Variants in PRELID2 observed in about 807,000 individuals in gnomAD.
PRELID2 encodes PRELI domain containing 2, also known as PRELI domain-containing protein 2.
In PRELID2, 25 loss-of-function variants were observed where a neutral mutation model predicts 28.4. That is an observed-to-expected ratio of 0.88 (90% confidence interval 0.64 to 1.23). The LOEUF is 1.23. PRELID2 is among the 50% of genes most tolerant of loss of function. The pLI is 0.00. For missense variants in PRELID2, 201 were observed against 214.4 expected (o/e 0.94, Z 0.39); for synonymous variants, 76 against 71.6 (o/e 1.06, Z -0.31).
intron 4 of PRELID2, among the ~76,000 whole-genome samples, chr5:145,817,562 A>G (rs1754459487): frequency 6.6e-6 from 1 of 151,304 alleles, no homozygotes; most frequent in Admixed American, 6.6e-5. Context: ...AAACCATACT[A>G]TACAGGCTCT....
chr5:145,319,167 G>C, the PRELID2 span, among the ~76,000 whole-genome samples: 1 of 152,132 alleles, frequency 6.6e-6, no homozygotes, highest in East Asian at 1.9e-4. Context: ...AGAAATGCCT[G>C]TTCCCATTTA....
chr5:145,277,387 A>G, the PRELID2 span, among the ~76,000 whole-genome samples: 1 of 152,268 alleles, frequency 6.6e-6, no homozygotes, highest in African/African-American at 2.4e-5. Flanking sequence ...ATGCCTCTGA[A>G]ACTTTAGAGT....
intron 4 of PRELID2, among the ~76,000 whole-genome samples, chr5:145,804,403 G>A (rs1270998992): frequency 6.6e-6 from 1 of 151,990 alleles, no homozygotes; most frequent in African/African-American, 2.4e-5. Context: ...CCAGCTACTC[G>A]GGAGGCTGAG....
chr5:145,287,199 C>A, the PRELID2 span, among the ~76,000 whole-genome samples: 3 of 152,028 alleles, frequency 2.0e-5, no homozygotes, highest in Non-Finnish European at 2.9e-5. Context: ...TACCAAACCC[C>A]ATATATACTA....
intron 1 of PRELID2, among the ~76,000 whole-genome samples, chr5:145,664,860 T>A (rs761542854): frequency 1.3e-5 from 2 of 152,086 alleles, no homozygotes; most frequent in Non-Finnish European, 2.9e-5. Context: ...GATCCATATC[T>A]CATTTCACAG....
In PRELID2 at chr5:145,729,700, A is replaced by C. The variant is rs565568236; in HGVS notation, n.70+35231T>G. ...GTCCTCTGCTTTTACATGCTCTAGC[A>C]TTCCTTCACCGGGGTCTTTCTTGCC... On this transcript the variant is annotated intron_variant and non_coding_transcript_variant, in intron 1 of 2. Coordinates refer to the PRELID2 transcript ENST00000510259. Among the ~76,000 whole-genome samples, 30 of 152,170 alleles carry C rather than the reference A, an allele frequency of 2.0e-4. 1 individual carries two copies. Among genetic ancestry groups the C allele is most frequent in the Non-Finnish European group, 3.8e-4 (26 of 68,036 alleles).
At chr5:145,732,135 G>A (rs1756363589) in intron 1 of PRELID2, among the ~76,000 whole-genome samples, 1 of 152,122 alleles carries the variant, frequency 6.6e-6, no homozygotes, top group South Asian at 2.1e-4. Flanking sequence ...TGGCCTCCTT[G>A]ATTACAGTTT....
chr5:145,801,650 T>C (rs764850188), intron 4 of PRELID2, among the ~76,000 whole-genome samples: 1 of 152,216 alleles, frequency 6.6e-6, no homozygotes, highest in East Asian at 1.9e-4. Context: ...GGCAAAGAGA[T>C]GTTAAATAAC....
At chr5:145,586,967 A>G (rs912354286) in intron 1 of PRELID2, among the ~76,000 whole-genome samples, 3 of 152,148 alleles carry the variant, frequency 2.0e-5, no homozygotes, top group African/African-American at 7.2e-5. Flanking sequence ...ACTAAATATA[A>G]AATATACACA....
At chr5:145,716,094 G>A (rs1441216998) in intron 1 of PRELID2, among the ~76,000 whole-genome samples, 1 of 152,022 alleles carries the variant, frequency 6.6e-6, no homozygotes, top group Non-Finnish European at 1.5e-5. Flanking sequence ...TAGTATTAAT[G>A]TACTTTATAT....
At chr5:145,329,019 T>C in the PRELID2 span, among the ~76,000 whole-genome samples, 1 of 152,198 alleles carries the variant, frequency 6.6e-6, no homozygotes, top group Non-Finnish European at 1.5e-5. Context: ...CCAACAGCAT[T>C]TATTAAATAG....
At chr5:145,393,438 G>A in the PRELID2 span, among the ~76,000 whole-genome samples, 1 of 152,168 alleles carries the variant, frequency 6.6e-6, no homozygotes, top group Non-Finnish European at 1.5e-5. Flanking sequence ...GTTTAATTGA[G>A]CAAAGAATGA....
At chr5:145,597,870 G>A (rs77570427) in intron 1 of PRELID2, among the ~76,000 whole-genome samples, 1,811 of 152,242 alleles carry the variant, frequency 0.012, 13 homozygotes, top group Non-Finnish European at 0.019. Flanking sequence ...ATTGAGTAAG[G>A]AGCTGGGTGA....
the PRELID2 span, among the ~76,000 whole-genome samples, chr5:145,364,436 C>T: frequency 6.6e-6 from 1 of 151,992 alleles, no homozygotes; most frequent in Admixed American, 6.6e-5. Context: ...TTTAAATCAT[C>T]TGTCATATTT....
chr5:145,549,478 T>C (rs751252768), intron 1 of PRELID2, among the ~76,000 whole-genome samples: 1 of 152,288 alleles, frequency 6.6e-6, no homozygotes, highest in Admixed American at 6.5e-5. Flanking sequence ...GTGAATGCTA[T>C]ATTAAGTGTA....
At chr5:145,305,286 T>C in the PRELID2 span, among the ~76,000 whole-genome samples, 20 of 152,040 alleles carry the variant, frequency 1.3e-4, no homozygotes, top group African/African-American at 4.8e-4. Context: ...ATCAAACCAG[T>C]TTTCAATGTA....
At chr5:145,286,254 TG>T in the PRELID2 span, among the ~76,000 whole-genome samples, 1 of 152,136 alleles carries the variant, frequency 6.6e-6, no homozygotes, top group Non-Finnish European at 1.5e-5. Flanking sequence ...TAGGAAAGGG[TG>T]GAACTGGGGT....
chr5:145,707,932 T>C (rs1755591424), intron 1 of PRELID2, among the ~76,000 whole-genome samples: 1 of 152,078 alleles, frequency 6.6e-6, no homozygotes. Flanking sequence ...CCCCACACAA[T>C]CTTGCCTTGT....
chr5:145,764,909 T>C (rs1433329668), intron 6 of PRELID2, 22 bp downstream of exon 6: 2 of 1,575,314 alleles, frequency 1.3e-6, no homozygotes, highest in South Asian at 2.2e-5. Context: ...TAAATAATTC[T>C]GACTTTGCTT....
Sources: gnomAD v4.1 joint callset for allele counts (sites outside exome capture counted in the v4.1 genomes callset) on GRCh38, gnomAD v4.1.1 for gene constraint, MANE v1.5 for transcripts, NCBI Gene and HGNC (gene_info 2026-07-23, HGNC 2026-07-21) for gene names.